Variants in SND1 observed in about 807,000 individuals in gnomAD.
SND1 encodes the protein staphylococcal nuclease and tudor domain containing 1, also known as staphylococcal nuclease domain-containing protein 1.
SND1 carries 38 observed loss-of-function variants against 121.7 expected under a neutral mutation model. The ratio of observed to expected loss-of-function variants is 0.31; its 90% CI spans 0.24 to 0.41. SND1 has a LOEUF of 0.41. SND1 is among the 10% of genes least tolerant of loss of function. The pLI, the probability that SND1 is intolerant of heterozygous loss-of-function variation, is 1.00. For missense variants in SND1, 868 were observed against 1,184.6 expected, an observed-to-expected ratio of 0.73 and a Z score of 3.92; for synonymous variants, 401 against 447.4, an observed-to-expected ratio of 0.90 and a Z score of 1.31.
chr7:127,928,846 C>G (rs1268534063), intron 14 of SND1, among the ~76,000 whole-genome samples: 1 of 152,214 alleles, frequency 6.6e-6, no homozygotes, highest in Non-Finnish European at 1.5e-5. Flanking sequence ...CCGCCTCAGC[C>G]TCCCAAAGTG....
intron 10 of SND1, among the ~76,000 whole-genome samples, chr7:127,805,923 G>T (rs969492420): frequency 2.0e-5 from 3 of 152,010 alleles, no homozygotes; most frequent in African/African-American, 7.3e-5. Context: ...TATTTTCCTG[G>T]AGGTTCTCAA....
intron 10 of SND1, among the ~76,000 whole-genome samples, chr7:127,768,467 A>G (rs754726910): frequency 1.3e-5 from 2 of 152,204 alleles, no homozygotes; most frequent in Non-Finnish European, 2.9e-5. Flanking sequence ...TAGCCGTCTG[A>G]ATCACTGGGG....
At position 127,745,323 on chromosome 7, in the gene SND1, A is replaced by T. The variant is rs138190715; in HGVS notation, c.1152+23923A>T. ...CACAGTGGTATTTGTGTATCTAAAC[A>T]TAGAAAAGGTACAGTAAATTTTATG... On this transcript the variant is annotated intron_variant, in intron 10 of 23. Coordinates refer to ENST00000354725, the MANE Select transcript of SND1 (RefSeq NM_014390.4). Among the ~76,000 whole-genome samples, 3 of 152,322 alleles carry T rather than the reference A, an allele frequency of 2.0e-5. No homozygotes were observed. In the East Asian group the frequency reaches 5.8e-4, roughly 29 times the overall value.
chr7:127,973,088 A>G (rs147626499), intron 15 of SND1, among the ~76,000 whole-genome samples: 1 of 152,358 alleles, frequency 6.6e-6, no homozygotes, highest in African/African-American at 2.4e-5. Flanking sequence ...CCTAGGCCGC[A>G]GAGTGGGAAT....
chr7:127,747,063 C>T (rs1316231507), intron 10 of SND1, among the ~76,000 whole-genome samples: 3 of 152,174 alleles, frequency 2.0e-5, no homozygotes, highest in African/African-American at 4.8e-5. Context: ...TTGCATTCAG[C>T]ATGCATGAGA....
chr7:128,046,370 T>G (rs1007965430), intron 16 of SND1, among the ~76,000 whole-genome samples: 8 of 146,588 alleles, frequency 5.5e-5, no homozygotes, highest in South Asian at 2.2e-4. Flanking sequence ...GTTGTGTTTT[T>G]TTTTTTTTTT....
rs151110023 is a variant in SND1 at position 127,731,064 on chromosome 7, C to T, written c.1152+9664C>T. Among the ~76,000 whole-genome samples the T allele has an allele frequency of 4.4e-3, 670 of 152,334 alleles. 3 individuals are homozygous for T. The highest frequency in any genetic ancestry group is 0.015 in the African/African-American group (604 of 41,574). ...TTTTAGAACGACTGGCATGCGGAAG[C>T]GGTAGGTGGAGGTCTGGGAGGAGCT... On this transcript the variant is annotated intron_variant, in intron 10 of 23. Transcript: ENST00000354725.
intron 15 of SND1, among the ~76,000 whole-genome samples, chr7:127,956,370 C>G (rs1801592768): frequency 6.6e-6 from 1 of 152,204 alleles, no homozygotes; most frequent in South Asian, 2.1e-4. Flanking sequence ...CATCTGGATA[C>G]TTTGTCTCCA....
chr7:127,934,858 A>G (rs1801027214), intron 15 of SND1, among the ~76,000 whole-genome samples: 1 of 152,188 alleles, frequency 6.6e-6, no homozygotes, highest in African/African-American at 2.4e-5. Flanking sequence ...CCTAGAGGAC[A>G]GGTTTACAAG....
At chr7:127,786,833 G>A (rs555217940) in intron 10 of SND1, among the ~76,000 whole-genome samples, 31 of 152,140 alleles carry the variant, frequency 2.0e-4, no homozygotes, top group Non-Finnish European at 3.8e-4. Context: ...TAGTAGAGAC[G>A]GGGTTTCACC....
chr7:127,934,422 C>T (rs887572439), intron 15 of SND1, among the ~76,000 whole-genome samples: 1 of 152,076 alleles, frequency 6.6e-6, no homozygotes, highest in Non-Finnish European at 1.5e-5. Context: ...GCAGCATGCT[C>T]AGACTCGGGT....
chr7:127,729,199 C>G (rs908244761), intron 10 of SND1, among the ~76,000 whole-genome samples: 1 of 152,054 alleles, frequency 6.6e-6, no homozygotes, highest in African/African-American at 2.4e-5. Context: ...CTGATTCAGG[C>G]TTTTCTGAAT....
In SND1 at chr7:127,973,508, G is replaced by A. The variant is rs749032263; in HGVS notation, c.1670-17439G>A. The stretch of plus-strand genomic sequence containing the variant: ...GGCACTAGGAGGAAGGGCAAACAAA[G>A]CAGCCAAGCCAAGGGCAGAGGAGTG... On this transcript the variant is annotated intron_variant, in intron 15 of 23. Transcript: ENST00000354725. Among the ~76,000 whole-genome samples, 67 of 152,170 alleles carry A rather than the reference G, an allele frequency of 4.4e-4. 1 individual carries two copies. The highest frequency in any genetic ancestry group is 4.4e-4 in the Non-Finnish European group (30 of 68,030).
chr7:127,847,622 TG>T (rs1278186178), intron 12 of SND1, among the ~76,000 whole-genome samples: 1 of 152,254 alleles, frequency 6.6e-6, no homozygotes, highest in Non-Finnish European at 1.5e-5. Context: ...TATATTTTTG[TG>T]ATTTACACCC....
chr7:128,047,149 C>G (rs1392489928), intron 16 of SND1, among the ~76,000 whole-genome samples: 11 of 152,144 alleles, frequency 7.2e-5, no homozygotes, highest in Non-Finnish European at 1.5e-4. Flanking sequence ...CCAGAGGGGT[C>G]CATGGCACAA....
At position 128,038,533 on chromosome 7, in the gene SND1, T is replaced by C. The variant is rs973502991; in HGVS notation, c.1780-35969T>C. 7.2e-5 allele frequency among the ~76,000 whole-genome samples: 11 copies of C among 152,242 alleles called. No homozygotes were observed. In the South Asian group the frequency reaches 8.3e-4, roughly 11 times the overall value. Reference sequence around the variant, plus strand: ...TATTATTTTCTAATACGGAAACCGGTATAGAAGAGGCTGTCTTGTTCAAAG... The same window carrying C: ...TATTATTTTCTAATACGGAAACCGGCATAGAAGAGGCTGTCTTGTTCAAAG... On this transcript the variant is annotated intron_variant, in intron 16 of 23. Transcript: ENST00000354725.
chr7:127,821,925 A>C (rs951875284), intron 11 of SND1, among the ~76,000 whole-genome samples: 2 of 152,234 alleles, frequency 1.3e-5, no homozygotes, highest in African/African-American at 4.8e-5. Flanking sequence ...AAATGGGCAG[A>C]CATTTGAATT....
At chr7:127,754,337 AG>A (rs1488884521) in intron 10 of SND1, among the ~76,000 whole-genome samples, 1 of 152,234 alleles carries the variant, frequency 6.6e-6, no homozygotes, top group African/African-American at 2.4e-5. Context: ...CTACAGCATC[AG>A]TATCCTTGCC....
At chr7:127,654,738 C>G (rs536181957) in intron 1 of SND1, among the ~76,000 whole-genome samples, 2 of 152,294 alleles carry the variant, frequency 1.3e-5, no homozygotes, top group Middle Eastern at 3.4e-3. Context: ...ATAGATTGCA[C>G]TGCCTTCTCT....
Sources: allele counts gnomAD v4.1 joint callset (sites outside exome capture counted in the v4.1 genomes callset), GRCh38; gene constraint gnomAD v4.1.1; transcripts MANE v1.5; gene names NCBI Gene and HGNC (gene_info 2026-07-23, HGNC 2026-07-21).